DLGAP2: variants seen among roughly 807,000 people sequenced by gnomAD.
The protein encoded by DLGAP2 is disks large-associated protein 2.
DLGAP2 carries 26 observed loss-of-function variants against 100.3 expected under a neutral mutation model. That is an observed-to-expected ratio of 0.26 (90% CI 0.19 to 0.36). The LOEUF (loss-of-function observed/expected upper bound fraction) is 0.36, where lower values mean the gene tolerates loss of function less well. Among genes scored for constraint, DLGAP2 ranks in the 10% least tolerant of loss-of-function variants. The probability of loss-of-function intolerance (pLI) is 1.00; values close to 1 mark genes in which losing one functional copy is unlikely to be tolerated. For synonymous variants in DLGAP2, 886 were observed against 630.1 expected, an observed-to-expected ratio of 1.41 and a Z score of -6.08; for missense variants, 1,858 against 1,453.2, an observed-to-expected ratio of 1.28 and a Z score of -4.53.
chr8:951,065 GAA>G (rs1388827710), intron 2 of DLGAP2, among the ~76,000 whole-genome samples: 6 of 152,078 alleles, frequency 3.9e-5, no homozygotes, highest in African/African-American at 1.4e-4. Flanking sequence ...AATAGCATAA[GAA>G]TATGCATACT....
chr8:826,297 A>T (rs915420864), intron 1 of DLGAP2, among the ~76,000 whole-genome samples: 1 of 152,186 alleles, frequency 6.6e-6, no homozygotes, highest in African/African-American at 2.4e-5. Context: ...GGGCATGCAG[A>T]TACCTCTTTG....
At chr8:1,113,318 A>G (rs946258038) in intron 2 of DLGAP2, among the ~76,000 whole-genome samples, 3 of 152,154 alleles carry the variant, frequency 2.0e-5, no homozygotes, top group Non-Finnish European at 2.9e-5. Context: ...AATTAAGTTG[A>G]TGCTTTCTAT....
intron 3 of DLGAP2, among the ~76,000 whole-genome samples, chr8:1,381,607 T>C (rs1480629265): frequency 6.6e-6 from 1 of 152,216 alleles, no homozygotes; most frequent in East Asian, 1.9e-4. Context: ...TGGCGCCCAC[T>C]CTTCTACTCT....
At chr8:1,009,881 A>G (rs1293431716) in intron 2 of DLGAP2, among the ~76,000 whole-genome samples, 1 of 152,190 alleles carries the variant, frequency 6.6e-6, no homozygotes, top group African/African-American at 2.4e-5. Context: ...GAAATACCTC[A>G]TAGGAGATTG....
intron 2 of DLGAP2, among the ~76,000 whole-genome samples, chr8:1,186,804 G>T (rs1279026240): frequency 6.6e-6 from 1 of 152,182 alleles, no homozygotes; most frequent in African/African-American, 2.4e-5. Flanking sequence ...GCCACCTGCA[G>T]GAGTGCCTGG....
chr8:1,525,789 T>C (rs1222815558), intron 4 of DLGAP2, among the ~76,000 whole-genome samples: 1 of 152,194 alleles, frequency 6.6e-6, no homozygotes, highest in Non-Finnish European at 1.5e-5. Context: ...TGGCCTCATC[T>C]CTTGTGTGAC....
At chr8:1,599,125 C>T (rs1324506687) in intron 6 of DLGAP2, among the ~76,000 whole-genome samples, 1 of 152,122 alleles carries the variant, frequency 6.6e-6, no homozygotes, top group East Asian at 1.9e-4. Flanking sequence ...TCGTTATTTA[C>T]CCAGTAGTCA....
At chr8:822,004 T>C in intron 1 of DLGAP2, 1 of 397,208 alleles carries the variant, frequency 2.5e-6, no homozygotes. Flanking sequence ...GTCTCACTTT[T>C]TAATGTACAT....
At chr8:1,430,084 G>T (rs1323533597) in intron 3 of DLGAP2, among the ~76,000 whole-genome samples, 2 of 138,524 alleles carry the variant, frequency 1.4e-5, no homozygotes, top group Non-Finnish European at 3.1e-5. Flanking sequence ...TTATGTTACT[G>T]TGTGGTAAAA....
intron 3 of DLGAP2, among the ~76,000 whole-genome samples, chr8:1,489,074 C>G (rs1281463016): frequency 6.6e-6 from 1 of 152,216 alleles, no homozygotes; most frequent in African/African-American, 2.4e-5. Context: ...CAAGGTGTCA[C>G]CCTGTTCAGA....
chr8:1,131,523 C>T (rs1034429147), intron 2 of DLGAP2, among the ~76,000 whole-genome samples: 1 of 152,152 alleles, frequency 6.6e-6, no homozygotes, highest in Non-Finnish European at 1.5e-5. Flanking sequence ...TCATCCCACC[C>T]GAATCACTTC....
chr8:1,245,880 G>C (rs1283319993), intron 2 of DLGAP2, among the ~76,000 whole-genome samples: 1 of 152,188 alleles, frequency 6.6e-6, no homozygotes, highest in African/African-American at 2.4e-5. Flanking sequence ...TGGTGTGGTC[G>C]AGCACGAAGG....
At chr8:1,045,025 A>T (rs915207761) in intron 2 of DLGAP2, among the ~76,000 whole-genome samples, 1 of 152,218 alleles carries the variant, frequency 6.6e-6, no homozygotes, top group African/African-American at 2.4e-5. Context: ...ATAAGCACAC[A>T]TGATAAGTGA....
At chr8:1,568,843 A>C (rs13274194) in intron 6 of DLGAP2, among the ~76,000 whole-genome samples, 3 of 64,740 alleles carry the variant, frequency 4.6e-5, no homozygotes, top group African/African-American at 1.2e-4. Context: ...GTCTCTGCCT[A>C]TGGCCCCCAT....
intron 1 of DLGAP2, among the ~76,000 whole-genome samples, chr8:894,666 C>T (rs959184224): frequency 0.01 from 139 of 13,742 alleles, no homozygotes; most frequent in African/African-American, 0.046. Context: ...CTGGCAGGGG[C>T]GGGGTGGGGA....
intron 2 of DLGAP2, among the ~76,000 whole-genome samples, chr8:1,237,156 C>T (rs201420921): frequency 0.46 from 52,113 of 113,606 alleles, 14,249 homozygotes; most frequent in Non-Finnish European, 0.55. Flanking sequence ...TCTCACATGG[C>T]GCCGTGTCTA....
intron 1 of DLGAP2, among the ~76,000 whole-genome samples, chr8:877,003 T>G (rs1797697841): frequency 1.3e-5 from 2 of 151,888 alleles, no homozygotes; most frequent in African/African-American, 2.4e-5. Context: ...TACCAGGTTT[T>G]TTTTTTTTTT....
intron 1 of DLGAP2, among the ~76,000 whole-genome samples, chr8:764,858 A>C (rs1445716343): frequency 6.6e-6 from 1 of 152,180 alleles, no homozygotes; most frequent in African/African-American, 2.4e-5. Context: ...AAAAATTTGT[A>C]CCAAAATTTA....
chr8:832,809 C>G (rs1229843338), intron 1 of DLGAP2, among the ~76,000 whole-genome samples: 2 of 152,160 alleles, frequency 1.3e-5, no homozygotes, highest in African/African-American at 4.8e-5. Context: ...CTGTGCTCAG[C>G]CTTGGGTGGG....
Sources: allele counts gnomAD v4.1 joint callset (sites outside exome capture counted in the v4.1 genomes callset), GRCh38; gene constraint gnomAD v4.1.1; transcripts MANE v1.5; gene names NCBI Gene and HGNC (gene_info 2026-07-23, HGNC 2026-07-21).